Variants in CNTN5 observed in about 807,000 individuals in gnomAD.
The protein encoded by CNTN5 is contactin-5.
A neutral mutation model predicts 129.1 loss-of-function variants in CNTN5; 77 were observed. That is an observed-to-expected ratio of 0.60 (90% CI 0.50 to 0.72). The LOEUF is 0.72. Among genes scored for constraint, CNTN5 ranks in the 30% least tolerant of loss-of-function variants. CNTN5 has a pLI of 0.00. For synonymous variants in CNTN5, 509 were observed against 465.6 expected, an observed-to-expected ratio of 1.09 and a Z score of -1.20; for missense variants, 1,478 against 1,328.8, an observed-to-expected ratio of 1.11 and a Z score of -1.75.
At chr11:99,052,502 A>G (rs1864467803) in intron 1 of CNTN5, among the ~76,000 whole-genome samples, 1 of 151,910 alleles carries the variant, frequency 6.6e-6, no homozygotes. Context: ...AATAGGCTAT[A>G]TAGCGCAGGT....
intron 13 of CNTN5, among the ~76,000 whole-genome samples, chr11:100,122,550 A>G (rs1468175420): frequency 3.9e-5 from 6 of 152,100 alleles, no homozygotes; most frequent in African/African-American, 1.4e-4. Flanking sequence ...AAAGAAGTCC[A>G]ATCTGGAGAG....
At position 99,405,272 on chromosome 11, in the gene CNTN5, G is replaced by A. The variant is rs1942022752; in HGVS notation, c.-71+79788G>A. 2.0e-5 allele frequency among the ~76,000 whole-genome samples: 3 copies of A among 152,200 alleles called. No individual in the cohort carries two copies. In the South Asian group the frequency reaches 6.2e-4, roughly 32 times the overall value. ...CTATTGGTATCTCTAGATTTAGGAA[G>A]TTATTATCCCTTTGACTAACATTCT... On this transcript the variant is annotated intron_variant, in intron 2 of 24. Transcript: ENST00000524871.
intron 13 of CNTN5, among the ~76,000 whole-genome samples, chr11:100,180,180 A>G (rs1948095304): frequency 6.6e-6 from 1 of 152,084 alleles, no homozygotes; most frequent in African/African-American, 2.4e-5. Context: ...GACGAAGAAC[A>G]AAGTGAAATG....
At chr11:99,774,083 G>A (rs1945036555) in intron 3 of CNTN5, among the ~76,000 whole-genome samples, 1 of 151,876 alleles carries the variant, frequency 6.6e-6, no homozygotes, top group African/African-American at 2.4e-5. Flanking sequence ...TCCTTTTTAA[G>A]TTTGTTGCTT....
intron 3 of CNTN5, among the ~76,000 whole-genome samples, chr11:99,693,283 ATAT>A (rs1954117790): frequency 6.6e-6 from 1 of 152,130 alleles, no homozygotes; most frequent in Non-Finnish European, 1.5e-5. Context: ...TCTTTAAATA[ATAT>A]TACTACAATG....
chr11:99,644,026 GAATTA>G (rs2135852919), intron 3 of CNTN5, among the ~76,000 whole-genome samples: 1 of 151,310 alleles, frequency 6.6e-6, no homozygotes, highest in South Asian at 2.1e-4. Flanking sequence ...AAAATATTTT[GAATTA>G]AATATGTAAG....
intron 9 of CNTN5, among the ~76,000 whole-genome samples, chr11:100,002,409 C>A (rs1051999111): frequency 4.9e-4 from 75 of 152,176 alleles, no homozygotes; most frequent in African/African-American, 1.5e-3. Context: ...ACCTATGTAT[C>A]TTAAAATTTA....
chr11:99,982,674 T>C (rs1454268719), intron 8 of CNTN5, among the ~76,000 whole-genome samples: 1 of 152,166 alleles, frequency 6.6e-6, no homozygotes, highest in Non-Finnish European at 1.5e-5. Flanking sequence ...GGAGTCTGGC[T>C]CTGTCACCCA....
At chr11:99,217,183 T>C (rs1860170629) in intron 1 of CNTN5, among the ~76,000 whole-genome samples, 1 of 151,848 alleles carries the variant, frequency 6.6e-6, no homozygotes, top group African/African-American at 2.4e-5. Flanking sequence ...CCATCTCAAA[T>C]AAATACATAA....
chr11:99,712,834 C>G (rs1955050003), intron 3 of CNTN5, among the ~76,000 whole-genome samples: 1 of 151,940 alleles, frequency 6.6e-6, no homozygotes, highest in Non-Finnish European at 1.5e-5. Context: ...CTCCATCGGT[C>G]TATATATCTG....
intron 1 of CNTN5, among the ~76,000 whole-genome samples, chr11:99,214,741 A>G (rs2135682339): frequency 6.6e-6 from 1 of 152,204 alleles, no homozygotes; most frequent in Admixed American, 6.6e-5. Flanking sequence ...AAATTCACTC[A>G]ATCTTCAGAC....
At chr11:100,192,942 A>G (rs2138511264) in intron 14 of CNTN5, among the ~76,000 whole-genome samples, 1 of 152,094 alleles carries the variant, frequency 6.6e-6, no homozygotes, top group South Asian at 2.1e-4. Flanking sequence ...TTCTACTCCT[A>G]AAAGCTTTTT....
intron 23 of CNTN5, among the ~76,000 whole-genome samples, chr11:100,346,422 A>T (rs761314864): frequency 6.6e-6 from 1 of 152,112 alleles, no homozygotes; most frequent in Non-Finnish European, 1.5e-5. Context: ...TTTTATCTCC[A>T]CCTTATTTTC....
chr11:99,695,889 AG>A (rs1954248627), intron 3 of CNTN5, among the ~76,000 whole-genome samples: 1 of 152,122 alleles, frequency 6.6e-6, no homozygotes, highest in South Asian at 2.1e-4. Context: ...TAACACTAAA[AG>A]CACTTACCTT....
chr11:99,717,461 A>C (rs906946095), intron 3 of CNTN5, among the ~76,000 whole-genome samples: 1 of 152,022 alleles, frequency 6.6e-6, no homozygotes, highest in South Asian at 2.1e-4. Context: ...TCAGTAATAT[A>C]AAAAAAGATA....
chr11:99,455,176 A>G (rs1944452329), intron 2 of CNTN5, among the ~76,000 whole-genome samples: 1 of 152,158 alleles, frequency 6.6e-6, no homozygotes, highest in Admixed American at 6.6e-5. Context: ...TTGGCCCTCA[A>G]GATGCTCACA....
chr11:99,878,544 T>A (rs753382994), intron 6 of CNTN5, among the ~76,000 whole-genome samples: 1 of 152,230 alleles, frequency 6.6e-6, no homozygotes, highest in Non-Finnish European at 1.5e-5. Context: ...AGCCTTTCTG[T>A]CATTAATCAG....
chr11:99,081,053 A>G (rs1865774769), intron 1 of CNTN5, among the ~76,000 whole-genome samples: 1 of 150,998 alleles, frequency 6.6e-6, no homozygotes, highest in Admixed American at 6.6e-5. Flanking sequence ...GGTAAAATGG[A>G]AATTTTTATT....
At chr11:99,115,228 C>G (rs1226339898) in intron 1 of CNTN5, among the ~76,000 whole-genome samples, 1 of 152,126 alleles carries the variant, frequency 6.6e-6, no homozygotes, top group Non-Finnish European at 1.5e-5. Context: ...CTGGCTTTTC[C>G]TGCAATTAGT....
Sources: allele counts gnomAD v4.1 joint callset (sites outside exome capture counted in the v4.1 genomes callset), GRCh38; gene constraint gnomAD v4.1.1; transcripts MANE v1.5; gene names NCBI Gene and HGNC (gene_info 2026-07-23, HGNC 2026-07-21).